Variants in KIAA0319L observed in about 807,000 individuals in gnomAD.
KIAA0319L encodes dyslexia-associated protein KIAA0319-like protein.
Under a neutral mutation model 120.1 loss-of-function variants are expected in KIAA0319L, and 55 were observed. The ratio of observed to expected loss-of-function variants is 0.46; its 90% CI spans 0.37 to 0.57. KIAA0319L has a LOEUF of 0.57. KIAA0319L is among the 20% of genes least tolerant of loss of function. The probability of loss-of-function intolerance (pLI) is 0.00; values close to 1 mark genes in which losing one functional copy is unlikely to be tolerated. For synonymous variants in KIAA0319L, 398 were observed against 471.9 expected (o/e 0.84, Z 2.03); for missense variants, 1,049 against 1,255.3 (o/e 0.84, Z 2.48).
chr1:35,510,823 C>T (rs1201200045), intron 2 of KIAA0319L: 1 of 151,774 alleles, frequency 6.6e-6, no homozygotes, highest in Non-Finnish European at 1.5e-5. Flanking sequence ...GCCCAGGCTG[C>T]TCTTGAACTC....
intron 3 of KIAA0319L, among the ~76,000 whole-genome samples, chr1:35,481,422 C>G (rs1232179489): frequency 2.0e-5 from 3 of 152,164 alleles, no homozygotes; most frequent in Non-Finnish European, 4.4e-5. Flanking sequence ...GTTCCAGTTG[C>G]TCTACAACTT....
chr1:35,503,081 C>T (rs1645066591), intron 3 of KIAA0319L, among the ~76,000 whole-genome samples: 1 of 151,890 alleles, frequency 6.6e-6, no homozygotes, highest in Non-Finnish European at 1.5e-5. Context: ...TATTTTAGAC[C>T]TTTACCCCAC....
chr1:35,534,878 A>G (rs1392730992), intron 2 of KIAA0319L, among the ~76,000 whole-genome samples: 2 of 147,466 alleles, frequency 1.4e-5, no homozygotes, highest in African/African-American at 2.6e-5. Flanking sequence ...AAAAAAAAAA[A>G]AAAAAGAAAG....
chr1:35,515,245 G>A (rs751331996), intron 2 of KIAA0319L, among the ~76,000 whole-genome samples: 1 of 151,440 alleles, frequency 6.6e-6, no homozygotes, highest in Non-Finnish European at 1.5e-5. Context: ...CTGGGAGGCA[G>A]AGGCTGTAGT....
At chr1:35,455,577 T>TTTA (rs1642384373) in intron 10 of KIAA0319L, among the ~76,000 whole-genome samples, 1 of 136,884 alleles carries the variant, frequency 7.3e-6, no homozygotes, top group South Asian at 2.5e-4. Flanking sequence ...AAGATAATTT[T>TTTA]TTTTTTTTTT....
chr1:35,444,668 G>A (rs1641485881), intron 16 of KIAA0319L, among the ~76,000 whole-genome samples: 1 of 152,184 alleles, frequency 6.6e-6, no homozygotes, highest in Non-Finnish European at 1.5e-5. Flanking sequence ...CATCTAACTG[G>A]AGGATGAGAC....
Position 35,554,407 on chromosome 1 carries a change from T to G in KIAA0319L, c.85A>C (p.Arg29=). 6.2e-7 allele frequency: 1 copy of G among 1,613,608 alleles called. No homozygotes were observed. ...CAAGTATAAAACAGGTACAGGCTTC[T>G]CAACCACTTCGCAGATGTCTGCCAA... ...YYWQTSAKWL[R]SLYLFYTCFC... is the part of the protein sequence containing the mutation. The change falls in exon 2 of 21, where the codon AGA becomes CGA. Residue 29 remains arginine (R), a synonymous_variant. Transcript: ENST00000325722.
chr1:35,441,622 T>C (rs1156334656), intron 19 of KIAA0319L, among the ~76,000 whole-genome samples: 1 of 152,132 alleles, frequency 6.6e-6, no homozygotes, highest in Non-Finnish European at 1.5e-5. Flanking sequence ...CCTAAGTTTT[T>C]TTATCTGTAA....
At chr1:35,459,422 C>T (rs982935934) in intron 9 of KIAA0319L, among the ~76,000 whole-genome samples, 5 of 151,748 alleles carry the variant, frequency 3.3e-5, no homozygotes, top group African/African-American at 7.3e-5. Context: ...CTGGCTAACA[C>T]GGTCTCTACT....
chr1:35,532,115 C>T (rs1646391640), intron 2 of KIAA0319L, among the ~76,000 whole-genome samples: 1 of 151,892 alleles, frequency 6.6e-6, no homozygotes, highest in South Asian at 2.1e-4. Flanking sequence ...CAAAAATTAG[C>T]CGGGCGTGGT....
chr1:35,537,269 G>A (rs997577931), intron 2 of KIAA0319L, among the ~76,000 whole-genome samples: 5 of 151,922 alleles, frequency 3.3e-5, no homozygotes, highest in South Asian at 2.1e-4. Context: ...AGTTATTACC[G>A]GCTGATAAAT....
chr1:35,442,764 A>G (rs1490995372), intron 18 of KIAA0319L, 142 bp downstream of exon 18: 3 of 996,484 alleles, frequency 3.0e-6, no homozygotes, highest in Non-Finnish European at 4.4e-6. Context: ...GGAAGGAAGT[A>G]AAAGTCCTCT....
intron 2 of KIAA0319L, among the ~76,000 whole-genome samples, chr1:35,513,469 C>G (rs373217112): frequency 6.6e-6 from 1 of 151,410 alleles, no homozygotes; most frequent in Non-Finnish European, 1.5e-5. Context: ...TTTAAAAAAT[C>G]AGCCAGGTGT....
chr1:35,443,078 G>A, intron 17 of KIAA0319L, 50 bp from the exon 18 acceptor site: 1 of 1,612,306 alleles, frequency 6.2e-7, no homozygotes, highest in Non-Finnish European at 8.5e-7. Flanking sequence ...AGCCAGGGGT[G>A]ACAAGCAGCA....
In KIAA0319L at chr1:35,506,868, G is replaced by A. The variant is rs1645226435; in HGVS notation, c.410C>T (p.Ala137Val). 1 of 1,614,182 alleles carries A rather than the reference G, an allele frequency of 6.2e-7. No individual in the cohort carries two copies. Among genetic ancestry groups the A allele is most frequent in the Non-Finnish European group, 8.5e-7 (1 of 1,180,034 alleles). The stretch of plus-strand genomic sequence containing the variant: ...TTCAGGTAGAAAGCCCAAATCATCT[G>A]CAGTTTGGAATTTTTTTAAAAACAC... ...MLVFLKKFQT[A>V]DDLGFLPEDD... The change falls in exon 3 of 21, where the codon GCA becomes GTA. Residue 137 changes from alanine (A) to valine (V), a missense_variant. By Grantham distance (64) the Ala-to-Val change is moderately conservative. Coordinates refer to ENST00000325722, the MANE Select transcript of KIAA0319L (RefSeq NM_024874.5). The surrounding 1 kb of genome is among the most constrained non-coding windows in gnomAD (Gnocchi z 4.0).
chr1:35,513,950 A>T (rs1224768705), intron 2 of KIAA0319L, among the ~76,000 whole-genome samples: 2 of 152,234 alleles, frequency 1.3e-5, no homozygotes, highest in Admixed American at 1.3e-4. Flanking sequence ...GAAATATTTT[A>T]AAAATATATT....
intron 4 of KIAA0319L, among the ~76,000 whole-genome samples, chr1:35,477,444 G>A (rs1014026187): frequency 6.6e-6 from 1 of 152,154 alleles, no homozygotes; most frequent in Non-Finnish European, 1.5e-5. Context: ...AAGGCGGACG[G>A]ATCACAAGGT....
At chr1:35,536,030 C>T (rs895256296) in intron 2 of KIAA0319L, among the ~76,000 whole-genome samples, 1 of 152,132 alleles carries the variant, frequency 6.6e-6, no homozygotes, top group African/African-American at 2.4e-5. Flanking sequence ...TATGGAATAT[C>T]TTGAGTTATA....
At position 35,453,791 on chromosome 1, in the gene KIAA0319L, A is replaced by G; in HGVS notation, c.1781-102T>C. 1 of 1,184,048 alleles carries G rather than the reference A, an allele frequency of 8.4e-7. No individual in the cohort carries two copies. Among genetic ancestry groups the G allele is most frequent in the Non-Finnish European group, 1.2e-6 (1 of 849,578 alleles). 73.3% of individuals were successfully genotyped at this position (1,184,048 alleles called of 1,614,324 possible). A position where few individuals can be genotyped will look rare whatever the true frequency, so the allele number is the denominator to read the frequency against. The stretch of plus-strand genomic sequence containing the variant: ...CTGGAAGCCATGGACTCTGCCTCTC[A>G]GGCCACAGAACTGTCAGATACTGTG... On this transcript the variant is annotated intron_variant, in intron 11 of 20. Transcript: ENST00000325722. The surrounding 1 kb of genome is among the most constrained non-coding windows in gnomAD (Gnocchi z 4.1).
Sources: allele counts gnomAD v4.1 joint callset (sites outside exome capture counted in the v4.1 genomes callset), GRCh38; gene constraint gnomAD v4.1.1; non-coding constraint Gnocchi (gnomAD v3.1); transcripts MANE v1.5; gene names NCBI Gene and HGNC (gene_info 2026-07-23, HGNC 2026-07-21).